MSH6: variants seen among roughly 807,000 people sequenced by gnomAD.
MSH6 encodes the protein DNA mismatch repair protein Msh6.
MSH6 carries 85 observed loss-of-function variants against 119.1 expected under a neutral mutation model. The observed-to-expected ratio is 0.71, with a 90% confidence interval of 0.60 to 0.85. The LOEUF (loss-of-function observed/expected upper bound fraction) is 0.85. MSH6 is among the 40% of genes least tolerant of loss of function. The probability of loss-of-function intolerance (pLI) is 0.00; values close to 1 mark genes in which losing one functional copy is unlikely to be tolerated. For missense variants in MSH6, 2,163 were observed against 1,655.3 expected, an observed-to-expected ratio of 1.31 and a Z score of -5.32; for synonymous variants, 830 against 586.9, an observed-to-expected ratio of 1.41 and a Z score of -5.99.
chr2:47,806,750 ACTTT>A, intron 9 of MSH6, 25 bp from the exon 10 acceptor site: 1 of 1,404,378 alleles, frequency 7.1e-7, no homozygotes, highest in East Asian at 2.4e-5. Context: ...AAACAAAAAA[ACTTT>A]TTTTTTTTTT....
At chr2:47,790,836 A>G (rs1300571625) in intron 1 of MSH6, 91 bp from the exon 2 acceptor site, 8 of 1,159,048 alleles carry the variant, frequency 6.9e-6, no homozygotes, top group Admixed American at 5.3e-5. Flanking sequence ...TATTAATGCC[A>G]GAAGACTTGG....
chr2:47,807,128 GCTATGAAA>G, downstream of MSH6: 1 of 464,816 alleles, frequency 2.2e-6, no homozygotes, highest in Non-Finnish European at 3.9e-6. Flanking sequence ...GGGAGGAAAA[GCTATGAAA>G]CTGTATAGGG....
At chr2:47,809,459 C>T (rs1670462034), downstream of MSH6, 2 of 718,890 alleles carry the variant, frequency 2.8e-6, no homozygotes, top group Non-Finnish European at 4.5e-6. Flanking sequence ...CATTTAGAAC[C>T]AAAGCTCTGT....
At chr2:47,792,240 C>T (rs943380854) in intron 2 of MSH6, among the ~76,000 whole-genome samples, 4 of 152,150 alleles carry the variant, frequency 2.6e-5, no homozygotes, top group Admixed American at 6.6e-5. Flanking sequence ...CTGCCCATTT[C>T]GGCCTCCCAA....
At position 47,799,824 on chromosome 2, in the gene MSH6, C is replaced by G. The variant is rs1669381714; in HGVS notation, c.1841C>G (p.Ser614Cys). 1.2e-6 allele frequency: 2 copies of G among 1,614,184 alleles called. No homozygotes were observed. The highest frequency in any genetic ancestry group is 1.7e-6 in the Non-Finnish European group (2 of 1,180,034). The change falls in exon 4 of 10, where the codon TCC becomes TGC. Residue 614 changes from serine to cysteine, a missense_variant. By Grantham distance (112) the Ser-to-Cys change is moderately radical. Coordinates refer to ENST00000234420, the MANE Select transcript of MSH6 (RefSeq NM_000179.3). Reference protein sequence around the residue: ...ETKTILKSSLSCSLQEGLIPG... With the variant: ...ETKTILKSSLCCSLQEGLIPG... ...AAAACAATTCTAAAGAGTTCATTGT[C>G]CTGTTCTCTTCAGGAAGGTCTGATA...
At chr2:47,794,847 T>C (rs1174980044) in intron 2 of MSH6, among the ~76,000 whole-genome samples, 1 of 152,156 alleles carries the variant, frequency 6.6e-6, no homozygotes, top group Non-Finnish European at 1.5e-5. Flanking sequence ...CAGGCTGAAG[T>C]GCAGTGGTGC....
intron 1 of MSH6, among the ~76,000 whole-genome samples, chr2:47,790,322 G>T (rs1668648606): frequency 6.6e-6 from 1 of 152,204 alleles, no homozygotes; most frequent in African/African-American, 2.4e-5. Context: ...TATTCAGGAG[G>T]CTGAGACACA....
intron 3 of MSH6, among the ~76,000 whole-genome samples, chr2:47,797,426 T>A (rs528124775): frequency 2.0e-5 from 3 of 152,330 alleles, no homozygotes; most frequent in Admixed American, 2.0e-4. Context: ...TTTAGCCTAA[T>A]ACTGGTTTAA....
chr2:47,809,878 T>A (rs960457048), downstream of MSH6: 6 of 548,482 alleles, frequency 1.1e-5, no homozygotes, highest in African/African-American at 9.7e-5. Context: ...AACATTCACT[T>A]ATCAATGACT....
chr2:47,809,847 C>G (rs1670487562), downstream of MSH6: 1 of 571,714 alleles, frequency 1.7e-6, no homozygotes. Flanking sequence ...AATGTAGATA[C>G]CTATTTCAAC....
At chr2:47,798,542 T>C (rs1669232223) in intron 3 of MSH6, 69 bp from the exon 4 acceptor site, 1 of 1,538,074 alleles carries the variant, frequency 6.5e-7, no homozygotes, top group East Asian at 2.3e-5. Context: ...AAATCATAAG[T>C]TGAACTGTCT....
chr2:47,786,626 A>T (rs1572702626), intron 1 of MSH6, among the ~76,000 whole-genome samples: 1 of 151,930 alleles, frequency 6.6e-6, no homozygotes, highest in Admixed American at 6.6e-5. Flanking sequence ...GAACCACCGC[A>T]CCTGGCCGTG....
Position 47,792,178 on chromosome 2 carries a change from G to A in MSH6, c.457+1055G>A, listed in dbSNP as rs535049538. 4.1e-4 allele frequency among the ~76,000 whole-genome samples: 63 copies of A among 152,168 alleles called. 1 individual carries two copies. Among genetic ancestry groups the A allele is most frequent in the Middle Eastern group, 6.8e-3 (2 of 294 alleles). On this transcript the variant is annotated intron_variant, in intron 2 of 9. Coordinates refer to ENST00000234420, the MANE Select transcript of MSH6 (RefSeq NM_000179.3). ...TAATTTTTGTATTTTTAGTAGAGAC[G>A]GGGTTTCACCATGTTGGCCAGGCTG... is the stretch of plus-strand genomic sequence containing the variant.
rs730881810 is a variant in MSH6 at position 47,783,300 on chromosome 2, G to T, written c.67G>T (p.Ala23Ser). ...TCCGGCGCTGAGTGATGCCAACAAG[G>T]CCTCGGCCAGGGCCTCACGCGAAGG... ...KSPALSDANK[A>S]SARASREGGR... Residue 23 changes from alanine (A) to serine (S), a missense_variant, in exon 1 of 10, where the codon GCC becomes TCC. By Grantham distance (99) the Ala-to-Ser change is moderately conservative (BLOSUM62 1). Coordinates refer to ENST00000234420, the MANE Select transcript of MSH6 (RefSeq NM_000179.3). The T allele has an allele frequency of 6.2e-7, 1 of 1,612,090 alleles. No homozygotes were observed. The highest frequency in any genetic ancestry group is 8.5e-7 in the Non-Finnish European group (1 of 1,179,548).
intron 1 of MSH6, chr2:47,783,921 G>GCC: frequency 1.2e-6 from 1 of 830,496 alleles, no homozygotes; most frequent in Non-Finnish European, 1.4e-6. Flanking sequence ...GGGGTGGCGG[G>GCC]AAGGAGGAAT....
intron 4 of MSH6, among the ~76,000 whole-genome samples, chr2:47,802,628 C>A (rs953957468): frequency 1.3e-5 from 2 of 149,870 alleles, no homozygotes; most frequent in African/African-American, 4.9e-5. Flanking sequence ...CCACTGCGCC[C>A]AGCCCTGTTT....
At chr2:47,796,141 T>G in intron 3 of MSH6, 78 bp downstream of exon 3, 1 of 1,417,382 alleles carries the variant, frequency 7.1e-7, no homozygotes, top group Non-Finnish European at 9.9e-7. Flanking sequence ...ATTAACAAGA[T>G]ACCTTGTTTT....
rs775625082 is a variant in MSH6 at position 47,800,522 on chromosome 2, G to A, written c.2539G>A (p.Glu847Lys). ...AGACAGCAGGGCTATAATGTATGAA[G>A]AAACTACATACAGCAAGAAGAAGAT... is the stretch of plus-strand genomic sequence containing the variant. ...HPDSRAIMYE[E>K]TTYSKKKIID... The change falls in exon 4 of 10, where the codon GAA becomes AAA. Residue 847 changes from glutamate (E) to lysine (K), a missense_variant. By Grantham distance (56) the Glu-to-Lys change is moderately conservative (BLOSUM62 1). Coordinates refer to ENST00000234420, the MANE Select transcript of MSH6 (RefSeq NM_000179.3). The A allele has an allele frequency of 2.5e-6, 4 of 1,613,128 alleles. No individual in the cohort carries two copies. The Admixed American group carries it at 5.0e-5, about 20-fold the overall frequency.
rs369709529 is a variant in MSH6, at chr2:47,799,322, C to A, written c.1339C>A (p.Leu447Met). 1 of 1,613,876 alleles carries A rather than the reference C, an allele frequency of 6.2e-7. No individual in the cohort carries two copies. Residue 447 changes from leucine (L) to methionine (M), a missense_variant, in exon 4 of 10, where the codon CTG becomes ATG. Transcript: ENST00000234420. ...HMDALIGVSELGLVFMKGNWA... is the reference protein window; with the variant it reads ...HMDALIGVSEMGLVFMKGNWA... ...GGATGCTCTTATTGGAGTCAGTGAA[C>A]TGGGGCTGGTATTCATGAAAGGCAA...
Sources: allele counts gnomAD v4.1 joint callset (sites outside exome capture counted in the v4.1 genomes callset), GRCh38; gene constraint gnomAD v4.1.1; transcripts MANE v1.5; gene names NCBI Gene and HGNC (gene_info 2026-07-23, HGNC 2026-07-21).